Variants in SH2D5 observed in about 807,000 individuals in gnomAD.
SH2D5 encodes the protein SH2 domain-containing protein 5.
Under a neutral mutation model 48.2 loss-of-function variants are expected in SH2D5, and 45 were observed. The observed-to-expected ratio is 0.93, with a 90% CI of 0.73 to 1.20. SH2D5 has a LOEUF of 1.20. SH2D5 is among the 50% of genes most tolerant of loss of function. The pLI is 0.00. For synonymous variants in SH2D5, 230 were observed against 249.8 expected (o/e 0.92, Z 0.75); for missense variants, 538 against 584.1 (o/e 0.92, Z 0.81).
chr1:20,722,639 G>C lies in SH2D5; in HGVS notation c.1068+117C>G, dbSNP rs2054708739. ...GCCAGGGAGAGCCAATGGGAGACAGGGATGGGGGTGAGGCACATTCAGGAC... is the reference window on the plus strand; with the variant it reads ...GCCAGGGAGAGCCAATGGGAGACAGCGATGGGGGTGAGGCACATTCAGGAC... On this transcript the variant is annotated intron_variant, in intron 9 of 9. Coordinates refer to ENST00000444387, the MANE Select transcript of SH2D5 (RefSeq NM_001103161.2). The C allele has an allele frequency of 3.6e-6, 4 of 1,098,730 alleles. No homozygotes were observed. In the South Asian group the frequency reaches 7.8e-5, roughly 21 times the overall value. The allele number at this position is 1,098,730 out of a possible 1,614,324, so 68.1% of individuals were successfully genotyped here. A position where few individuals can be genotyped will look rare whatever the true frequency, so the allele number is the denominator to read the frequency against.
chr1:20,726,995 T>G lies in SH2D5; in HGVS notation c.243+6A>C, dbSNP rs1219190432. On this transcript the variant is annotated splice_donor_region_variant and intron_variant, in intron 4 of 9. Coordinates refer to ENST00000444387, the MANE Select transcript of SH2D5 (RefSeq NM_001103161.2). ...AGTCCTCACCTGCACCCACAGGGGT[T>G]CCTACCTCACCCTCCCCGCTGTAGA... 1.9e-6 allele frequency: 3 copies of G among 1,608,800 alleles called. No homozygotes were observed. Among genetic ancestry groups the G allele is most frequent in the Non-Finnish European group, 2.5e-6 (3 of 1,177,596 alleles).
intron 8 of SH2D5, 133 bp from the exon 9 acceptor site, chr1:20,723,048 G>C (rs1027425864): frequency 3.0e-5 from 25 of 827,212 alleles, no homozygotes; most frequent in Non-Finnish European, 4.3e-5. Flanking sequence ...GGGCTCAGTG[G>C]CTCATGCCTG....
Position 20,724,295 on chromosome 1 carries a change from A to C in SH2D5, c.631-44T>G, listed in dbSNP as rs746476276. The C allele has an allele frequency of 5.6e-6, 9 of 1,606,346 alleles. No individual in the cohort carries two copies. In the Admixed American group the frequency reaches 1.5e-4, roughly 27 times the overall value. ...CCCACAGGCAGGCAGACTCAGGTCT[A>C]GCCATGTCAGGCCAAGTGAAGCCCC... On this transcript the variant is annotated intron_variant, in intron 6 of 9. Coordinates refer to ENST00000444387, the MANE Select transcript of SH2D5 (RefSeq NM_001103161.2).
intron 1 of SH2D5, chr1:20,731,276 C>G (rs1198918925): frequency 1.3e-5 from 2 of 152,508 alleles, no homozygotes; most frequent in African/African-American, 4.8e-5. Context: ...TGCCCCAACA[C>G]GCGTCCACCT....
At position 20,724,624 on chromosome 1, in the gene SH2D5, C is replaced by T; in HGVS notation, c.402G>A (p.Leu134=). The T allele has an allele frequency of 6.4e-7, 1 of 1,574,222 alleles. No homozygotes were observed. Among genetic ancestry groups the T allele is most frequent in the Non-Finnish European group, 8.6e-7 (1 of 1,162,022 alleles). The change falls in exon 6 of 10, where the codon CTG becomes CTA. Residue 134 remains leucine, a synonymous_variant. Coordinates refer to ENST00000444387, the MANE Select transcript of SH2D5 (RefSeq NM_001103161.2). ...GGAAAGAGCGGCACAGCAGCAGGTG[C>T]AGGATCTGGACCTGGGAGGGAGGGA... ...VGSQPGEVQI[L]HLLLCRSFQL...
At position 20,728,592 on chromosome 1, in the gene SH2D5, C is replaced by T. The variant is rs546636568; in HGVS notation, c.-42-506G>A. Among the ~76,000 whole-genome samples the T allele has an allele frequency of 5.3e-5, 8 of 152,230 alleles. No individual in the cohort carries two copies. Among genetic ancestry groups the T allele is most frequent in the Middle Eastern group, 3.4e-3 (1 of 294 alleles). ...GGGAAGGGAGGGCCACCTGAGAGGG[C>T]GCCATCAAAGAGAAGGGCAGTGACA... On this transcript the variant is annotated intron_variant, in intron 1 of 9. Coordinates refer to ENST00000444387, the MANE Select transcript of SH2D5 (RefSeq NM_001103161.2). The surrounding 1 kb of genome is among the most constrained non-coding windows in gnomAD (Gnocchi z 4.3).
chr1:20,720,274 C>G lies in SH2D5; in HGVS notation c.*1518G>C, dbSNP rs973682843. On this transcript the variant is annotated 3_prime_UTR_variant, in exon 10 of 10. Coordinates refer to ENST00000444387, the MANE Select transcript of SH2D5 (RefSeq NM_001103161.2). ...AAGAAGTCCCAAAGGGCAGTTCCTTCTATCTTTTGTGACAGGATAGCTCAC... is the reference window on the plus strand; with the variant it reads ...AAGAAGTCCCAAAGGGCAGTTCCTTGTATCTTTTGTGACAGGATAGCTCAC... 6.6e-6 allele frequency: 1 copy of G among 152,262 alleles called. No homozygotes were observed. Among genetic ancestry groups the G allele is most frequent in the Admixed American group, 6.5e-5 (1 of 15,292 alleles). 9.4% of individuals were successfully genotyped at this position (152,262 alleles called of 1,614,324 possible).
chr1:20,724,516 C>T lies in SH2D5; in HGVS notation c.510G>A (p.Lys170=). Residue 170 remains lysine (K), a synonymous_variant, in exon 6 of 10, where the codon AAG becomes AAA. Coordinates refer to ENST00000444387, the MANE Select transcript of SH2D5 (RefSeq NM_001103161.2). ...CPGPTGEVPL[K]PLSSSGGLVR... ...CCAGGCCCCCAGAGCTGGACAGTGG[C>T]TTCAGGGGCACCTCCCCTGTGGGCC... 6.2e-7 allele frequency: 1 copy of T among 1,611,788 alleles called. No homozygotes were observed. The highest frequency in any genetic ancestry group is 8.5e-7 in the Non-Finnish European group (1 of 1,179,490).
intron 7 of SH2D5, 145 bp downstream of exon 7, chr1:20,723,938 C>A: frequency 2.6e-6 from 3 of 1,139,394 alleles, no homozygotes; most frequent in Non-Finnish European, 3.7e-6. Flanking sequence ...CGGATGCAGG[C>A]AAACACACAC....
intron 1 of SH2D5, among the ~76,000 whole-genome samples, chr1:20,730,352 G>A (rs2054885322): frequency 1.3e-5 from 2 of 152,128 alleles, no homozygotes; most frequent in Non-Finnish European, 1.5e-5. Context: ...TGTGAGATGG[G>A]GAGGAGCCGT....
At position 20,722,911 on chromosome 1, in the gene SH2D5, A is replaced by G; in HGVS notation, c.913T>C (p.Cys305Arg). Residue 305 changes from cysteine to arginine, a missense_variant, in exon 9 of 10, where the codon TGT (cysteine) becomes CGT (arginine). Physicochemically the swap from Cys to Arg is radical, Grantham distance 180 (BLOSUM62 -3). Coordinates refer to ENST00000444387, the MANE Select transcript of SH2D5 (RefSeq NM_001103161.2). Reference sequence around the variant, plus strand: ...TCTCTCCGCAACAGGGCCAGGGCACAGGGCCTAGGAGCACAGAGGGGAGAG... The same window carrying G: ...TCTCTCCGCAACAGGGCCAGGGCACGGGGCCTAGGAGCACAGAGGGGAGAG... ...IWAFAGISRP[C>R]ALALLRRDVL... is the part of the protein sequence containing the mutation. 1.3e-6 allele frequency: 2 copies of G among 1,578,944 alleles called. No individual in the cohort carries two copies. Among genetic ancestry groups the G allele is most frequent in the Non-Finnish European group, 1.7e-6 (2 of 1,161,698 alleles).
Position 20,724,633 on chromosome 1 carries a change from GA to G in SH2D5, c.392del (p.Val131AlafsTer39). The G allele has an allele frequency of 6.4e-7, 1 of 1,561,950 alleles. No homozygotes were observed. The highest frequency in any genetic ancestry group is 2.3e-5 in the East Asian group (1 of 43,636). ...HLFVGSQPGE[V>X]QILHLLLCRS... ...GGCACAGCAGCAGGTGCAGGATCTG[GA>G]CCTGGGAGGGAGGGAGAGAGGTGGG... On this transcript the variant is annotated frameshift_variant and splice_region_variant, in exon 6 of 10. Transcript: ENST00000444387. LOFTEE classifies it high-confidence loss of function.
intron 8 of SH2D5, 109 bp downstream of exon 8, chr1:20,723,517 G>C (rs2054729243): frequency 3.8e-6 from 3 of 791,276 alleles, no homozygotes; most frequent in Non-Finnish European, 4.1e-6. Context: ...ACTGAGGTTG[G>C]GAGCGCTCTG....
intron 9 of SH2D5, 37 bp downstream of exon 9, chr1:20,722,719 G>T (rs932730710): frequency 1.4e-6 from 2 of 1,413,148 alleles, no homozygotes; most frequent in East Asian, 5.6e-5. Context: ...CCAATGATGC[G>T]GCAGGGCCCA....
intron 3 of SH2D5, 42 bp from the exon 4 acceptor site, chr1:20,727,117 A>T (rs1181530404): frequency 1.3e-6 from 2 of 1,551,682 alleles, no homozygotes; most frequent in African/African-American, 1.4e-5. Flanking sequence ...CACCTCCCAG[A>T]CCCTGCCTTG....
rs201881344 is a variant in SH2D5, at chr1:20,721,855, C to T, written c.1209G>A (p.Pro403=). 1.7e-5 allele frequency: 27 copies of T among 1,611,794 alleles called. No individual in the cohort carries two copies. The highest frequency in any genetic ancestry group is 2.2e-5 in the Non-Finnish European group (26 of 1,179,562). Reference sequence around the variant, plus strand: ...GGCTGAGGGGCCGGAGAGTCCGGGGCGGCCTGCCTGGGGGCCCACAGTCCT... The same window carrying T: ...GGCTGAGGGGCCGGAGAGTCCGGGGTGGCCTGCCTGGGGGCCCACAGTCCT... ...EEQDCGPPGR[P]PRTLRPLSHA... is the part of the protein sequence containing the mutation. Residue 403 remains proline, a synonymous_variant, in exon 10 of 10, where the codon CCG becomes CCA. Transcript: ENST00000444387.
At chr1:20,722,307 C>T (rs2054702799) in intron 9 of SH2D5, among the ~76,000 whole-genome samples, 1 of 152,218 alleles carries the variant, frequency 6.6e-6, no homozygotes, top group South Asian at 2.1e-4. Flanking sequence ...TAGGCACCCC[C>T]TGCCCTCTCT....
In SH2D5 at chr1:20,727,056, G is replaced by GGGACATC; in HGVS notation, c.187_188insGATGTCC (p.Ala63GlyfsTer21). On this transcript the variant is annotated frameshift_variant, in exon 4 of 10. Transcript: ENST00000444387. LOFTEE classifies it high-confidence loss of function. ...CTGAAGGCTGAATTTCAGGATGACGGCCCGGCGTCGGGGACAGTCCTGGGT... is the reference window on the plus strand; with the variant it reads ...CTGAAGGCTGAATTTCAGGATGACGGGGACATCCCCGGCGTCGGGGACAGTCCTGGGT... 6.2e-7 allele frequency: 1 copy of GGGACATC among 1,611,888 alleles called. No homozygotes were observed. The highest frequency in any genetic ancestry group is 8.5e-7 in the Non-Finnish European group (1 of 1,178,992).
Position 20,727,562 on chromosome 1 carries a change from C to T in SH2D5, c.129G>A (p.Glu43=), listed in dbSNP as rs749548969. ...GCTGCTGCTGCACCAGCCACACGCTCTCCTGGGTGTCCAGGTCATCCACAG... is the reference window on the plus strand; with the variant it reads ...GCTGCTGCTGCACCAGCCACACGCTTTCCTGGGTGTCCAGGTCATCCACAG... ...SFPVDDLDTQ[E]SVWLVQQQLW... is the part of the protein sequence containing the mutation. The change falls in exon 3 of 10, where the codon GAG becomes GAA. Residue 43 remains glutamate (E), a synonymous_variant. Coordinates refer to ENST00000444387, the MANE Select transcript of SH2D5 (RefSeq NM_001103161.2). 6.2e-7 allele frequency: 1 copy of T among 1,610,312 alleles called. No individual in the cohort carries two copies. Among genetic ancestry groups the T allele is most frequent in the Non-Finnish European group, 8.5e-7 (1 of 1,178,876 alleles).
Sources: allele counts gnomAD v4.1 joint callset (sites outside exome capture counted in the v4.1 genomes callset), GRCh38; gene constraint gnomAD v4.1.1; non-coding constraint Gnocchi (gnomAD v3.1); transcripts MANE v1.5; gene names NCBI Gene and HGNC (gene_info 2026-07-23, HGNC 2026-07-21).